PPAN: variants seen among roughly 807,000 people sequenced by gnomAD.
PPAN encodes the protein suppressor of SWI4 1 homolog.
In PPAN, 39 loss-of-function variants were observed where a neutral mutation model predicts 48.5. That is an observed-to-expected ratio of 0.80 (90% CI 0.62 to 1.05). PPAN has a LOEUF of 1.05. Ranked by LOEUF, PPAN falls within the 50% of genes least tolerant of loss-of-function variation. The pLI is 0.00. For missense variants in PPAN, 736 were observed against 661.7 expected (o/e 1.11, Z -1.23); for synonymous variants, 315 against 268.6 (o/e 1.17, Z -1.69).
chr19:10,111,925 CA>C lies in PPAN; in HGVS notation c.*762del, dbSNP rs2145214260. The stretch of plus-strand genomic sequence containing the variant: ...AGGGGTTCGAGACCACCCTGACCAA[CA>C]AGGAGAAACCCCGTCTCTACTAAAA... On this transcript the variant is annotated 3_prime_UTR_variant, in exon 12 of 12. Transcript: ENST00000253107. 6.6e-6 allele frequency among the ~76,000 whole-genome samples: 1 copy of C among 152,160 alleles called. No homozygotes were observed. The highest frequency in any genetic ancestry group is 2.4e-5 in the African/African-American group (1 of 41,512).
Position 10,109,620 on chromosome 19 carries a change from T to TCC in PPAN, c.514-8_514-7dup. Reference sequence around the variant, plus strand: ...AGTCTACTGGACTATGCTCTCTTCCTCCCCTTCCAGGTGAACCTGAACACC... The same window carrying TCC: ...AGTCTACTGGACTATGCTCTCTTCCTCCCCCCTTCCAGGTGAACCTGAACACC... On this transcript the variant is annotated splice_polypyrimidine_tract_variant and intron_variant, in intron 5 of 11. Transcript: ENST00000253107. 1 of 1,611,054 alleles carries TCC rather than the reference T, an allele frequency of 6.2e-7. No homozygotes were observed.
At position 10,106,530 on chromosome 19, in the gene PPAN, G is replaced by A. The variant is rs1277336817; in HGVS notation, c.48G>A (p.Gln16=). 6.4e-7 allele frequency: 1 copy of A among 1,553,950 alleles called. No homozygotes were observed. Among genetic ancestry groups the A allele is most frequent in the East Asian group, 2.4e-5 (1 of 41,254 alleles). ...GGCACCAGAAGCGCGCCCGCGCCCA[G>A]GCGCAGCTCCGCAACCTCGAGGCCT... The part of the protein sequence containing the change: ...RSRHQKRARA[Q]AQLRNLEAYA... The change falls in exon 2 of 12, where the codon CAG becomes CAA. Residue 16 remains glutamine, a synonymous_variant. Coordinates refer to ENST00000253107, the MANE Select transcript of PPAN (RefSeq NM_020230.7).
chr19:10,112,001 T>C lies in PPAN; in HGVS notation c.*836T>C, dbSNP rs1272618724. ...GGCACATGCCTGTAATCCCAGCTAC[T>C]CGGGAGGCTGAGACAAGAGAATCAC... On this transcript the variant is annotated 3_prime_UTR_variant, in exon 12 of 12. Coordinates refer to ENST00000253107, the MANE Select transcript of PPAN (RefSeq NM_020230.7). 3 of 439,584 alleles carry C rather than the reference T, an allele frequency of 6.8e-6. No individual in the cohort carries two copies. The highest frequency in any genetic ancestry group is 1.2e-5 in the Non-Finnish European group (3 of 240,292). 27.2% of individuals were successfully genotyped at this position (439,584 alleles called of 1,614,324 possible). A position where few individuals can be genotyped will look rare whatever the true frequency, so the allele number is the denominator to read the frequency against.
intron 2 of PPAN, among the ~76,000 whole-genome samples, chr19:10,107,300 T>C (rs187369364): frequency 1.3e-5 from 2 of 152,286 alleles, no homozygotes; most frequent in Non-Finnish European, 2.9e-5. Context: ...CATTTGTCAA[T>C]GGGAAGATGC....
At position 10,110,721 on chromosome 19, in the gene PPAN, G is replaced by A. The variant is rs1489690676; in HGVS notation, c.1056G>A (p.Lys352=). The stretch of plus-strand genomic sequence containing the variant: ...GAAAGAAGAGCCTGGAGGGCATGAA[G>A]AAGGCACGGGTCGGGGGTAGTGATG... ...AHRKKSLEGM[K]KARVGGSDEE... Residue 352 remains lysine, a synonymous_variant, in exon 11 of 12, where the codon AAG becomes AAA. Transcript: ENST00000253107. This position sits in a 1 kb window ranked among gnomAD's most constrained non-coding sequence, Gnocchi z 5.9. 1 of 1,613,928 alleles carries A rather than the reference G, an allele frequency of 6.2e-7. No individual in the cohort carries two copies. The highest frequency in any genetic ancestry group is 1.7e-5 in the Admixed American group (1 of 60,022).
Position 10,111,586 on chromosome 19 carries a change from AG to A in PPAN, c.*423del. The A allele has an allele frequency of 9.3e-7, 1 of 1,076,282 alleles. No homozygotes were observed. The highest frequency in any genetic ancestry group is 1.3e-5 in the South Asian group (1 of 75,934). The allele number at this position is 1,076,282 out of a possible 1,614,324, so 66.7% of individuals were successfully genotyped here. On this transcript the variant is annotated 3_prime_UTR_variant, in exon 12 of 12. Transcript: ENST00000253107. Reference sequence around the variant, plus strand: ...AATGAGGAAGGAAACGTGGGTGGAAAGGCACGCTGGCCTGCTCTGCTGGCTG... The same window carrying A: ...AATGAGGAAGGAAACGTGGGTGGAAAGCACGCTGGCCTGCTCTGCTGGCTG...
chr19:10,108,249 C>G, intron 5 of PPAN, 115 bp downstream of exon 5: 2 of 1,425,022 alleles, frequency 1.4e-6, no homozygotes, highest in Non-Finnish European at 1.9e-6. Context: ...GCTCCTGGGT[C>G]TGCTGAGTCC....
chr19:10,106,753 T>A, intron 2 of PPAN, 82 bp downstream of exon 2: 2 of 1,453,380 alleles, frequency 1.4e-6, no homozygotes, highest in Non-Finnish European at 1.8e-6. Flanking sequence ...GCTGTAAAAC[T>A]GTGGGAGGAC....
chr19:10,111,317 G>A lies in PPAN; in HGVS notation c.*152G>A. ...GGCCAGGGGTCCACGTCAGCGTTTGGGATGGGGGATTCTGGAGCCATACAA... is the reference window on the plus strand; with the variant it reads ...GGCCAGGGGTCCACGTCAGCGTTTGAGATGGGGGATTCTGGAGCCATACAA... On this transcript the variant is annotated 3_prime_UTR_variant, in exon 12 of 12. Coordinates refer to ENST00000253107, the MANE Select transcript of PPAN (RefSeq NM_020230.7). 1 of 978,936 alleles carries A rather than the reference G, an allele frequency of 1.0e-6. No individual in the cohort carries two copies. The highest frequency in any genetic ancestry group is 1.5e-6 in the Non-Finnish European group (1 of 684,136). The allele number at this position is 978,936 out of a possible 1,614,324, so 60.6% of individuals were successfully genotyped here. A position where few individuals can be genotyped will look rare whatever the true frequency, so the allele number is the denominator to read the frequency against.
chr19:10,106,976 C>T, intron 2 of PPAN: 1 of 633,224 alleles, frequency 1.6e-6, no homozygotes. Context: ...CACTTGAGCC[C>T]AGGAATTCGA....
In PPAN at chr19:10,111,576, G is replaced by A. The variant is rs1262037171; in HGVS notation, c.*411G>A. 10 of 943,368 alleles carry A rather than the reference G, an allele frequency of 1.1e-5. No homozygotes were observed. The highest frequency in any genetic ancestry group is 2.5e-5 in the East Asian group (1 of 39,272). The allele number at this position is 943,368 out of a possible 1,614,324, so 58.4% of individuals were successfully genotyped here. A position where few individuals can be genotyped will look rare whatever the true frequency, so the allele number is the denominator to read the frequency against. On this transcript the variant is annotated 3_prime_UTR_variant, in exon 12 of 12. Coordinates refer to ENST00000253107, the MANE Select transcript of PPAN (RefSeq NM_020230.7). ...GTTGTGGCACAATGAGGAAGGAAAC[G>A]TGGGTGGAAAGGCACGCTGGCCTGC...
Position 10,108,061 on chromosome 19 carries a change from G to A in PPAN, c.440G>A (p.Gly147Asp), listed in dbSNP as rs1219809060. 3 of 1,614,116 alleles carry A rather than the reference G, an allele frequency of 1.9e-6. No individual in the cohort carries two copies. The Middle Eastern group carries it at 4.9e-4, about 266-fold the overall frequency. ...HPPLLVLNSF[G>D]PHGMHVKLMA... ...CCCCTCCTGGTACTCAACAGCTTTG[G>A]CCCCCATGGTATGCATGTGAAGCTC... The change falls in exon 5 of 12, where the codon GGC becomes GAC. Residue 147 changes from glycine (G) to aspartate (D), a missense_variant. Coordinates refer to ENST00000253107, the MANE Select transcript of PPAN (RefSeq NM_020230.7).
chr19:10,107,753 G>T (rs1212102003), intron 3 of PPAN, 51 bp from the exon 4 acceptor site: 2 of 1,613,506 alleles, frequency 1.2e-6, no homozygotes, highest in Non-Finnish European at 1.7e-6. Context: ...GCCTACTCCG[G>T]GCACCTCTGC....
chr19:10,111,032 G>T lies in PPAN; in HGVS notation c.1289G>T (p.Arg430Leu). ...KRWEMDRGRG[R>L]LCDQKFPKTK... ...TGGGAAATGGATCGAGGCAGGGGTC[G>T]CCTTTGTGACCAGAAGTTTCCCAAG... The change falls in exon 12 of 12, where the codon CGC becomes CTC. Residue 430 changes from arginine (R) to leucine (L), a missense_variant. Physicochemically the swap from Arg to Leu is moderately radical, Grantham distance 102. Coordinates refer to ENST00000253107, the MANE Select transcript of PPAN (RefSeq NM_020230.7). 1 of 1,613,656 alleles carries T rather than the reference G, an allele frequency of 6.2e-7. No homozygotes were observed.
At chr19:10,108,963 C>CTTTTTTT (rs1304271167) in intron 5 of PPAN, among the ~76,000 whole-genome samples, 4 of 138,586 alleles carry the variant, frequency 2.9e-5, no homozygotes, top group African/African-American at 1.1e-4. Flanking sequence ...TCTTGTTTAC[C>CTTTTTTT]TTTTTTTTTT....
rs2089022641 is a variant in PPAN, at chr19:10,110,679, C to T, written c.1032-18C>T. 4 of 1,612,726 alleles carry T rather than the reference C, an allele frequency of 2.5e-6. No homozygotes were observed. The highest frequency in any genetic ancestry group is 3.4e-6 in the Non-Finnish European group (4 of 1,179,452). ...CCCTGGGATGGGCGGCTATGTTGAC[C>T]CCCACGCCCTCCTCCAGAAAGAAGA... On this transcript the variant is annotated intron_variant, in intron 10 of 11. Coordinates refer to ENST00000253107, the MANE Select transcript of PPAN (RefSeq NM_020230.7). This position sits in a 1 kb window ranked among gnomAD's most constrained non-coding sequence, Gnocchi z 5.9.
chr19:10,110,028 G>A lies in PPAN; in HGVS notation c.698+8G>A. 4 of 1,613,604 alleles carry A rather than the reference G, an allele frequency of 2.5e-6. No homozygotes were observed. Among genetic ancestry groups the A allele is most frequent in the Non-Finnish European group, 2.5e-6 (3 of 1,179,756 alleles). ...CAGCGAGCTGCTGGCCACGTGAGGAGGGCATAGGGCGGGAGGCCACTGCGG... is the reference window on the plus strand; with the variant it reads ...CAGCGAGCTGCTGGCCACGTGAGGAAGGCATAGGGCGGGAGGCCACTGCGG... On this transcript the variant is annotated splice_region_variant and intron_variant, in intron 7 of 11. Coordinates refer to ENST00000253107, the MANE Select transcript of PPAN (RefSeq NM_020230.7). This position sits in a 1 kb window ranked among gnomAD's most constrained non-coding sequence, Gnocchi z 5.9.
rs1360568461 is a variant in PPAN, at chr19:10,108,153, G to A, written c.513+19G>A. On this transcript the variant is annotated intron_variant, in intron 5 of 11. Coordinates refer to ENST00000253107, the MANE Select transcript of PPAN (RefSeq NM_020230.7). ...GCACAAGGTGGGTCTGGCCTGGCGA[G>A]GTGGCAGGTATGGGGGGGTGCAGCG... 1 of 1,597,620 alleles carries A rather than the reference G, an allele frequency of 6.3e-7. No individual in the cohort carries two copies. The highest frequency in any genetic ancestry group is 8.5e-7 in the Non-Finnish European group (1 of 1,171,292).
chr19:10,108,266 C>G, intron 5 of PPAN, 132 bp downstream of exon 5: 3 of 1,327,710 alleles, frequency 2.3e-6, no homozygotes, highest in South Asian at 3.1e-5. Flanking sequence ...GTCCTGAGGT[C>G]AAATCCCACT....
Sources: allele counts gnomAD v4.1 joint callset (sites outside exome capture counted in the v4.1 genomes callset), GRCh38; gene constraint gnomAD v4.1.1; non-coding constraint Gnocchi (gnomAD v3.1); transcripts MANE v1.5; gene names NCBI Gene and HGNC (gene_info 2026-07-23, HGNC 2026-07-21).